UBAP2L: variants seen among roughly 807,000 people sequenced by gnomAD.
UBAP2L encodes ubiquitin associated protein 2 like.
A neutral mutation model predicts 130.6 loss-of-function variants in UBAP2L; 12 were observed. The ratio of observed to expected loss-of-function variants is 0.09; its 90% CI spans 0.06 to 0.15. The LOEUF (loss-of-function observed/expected upper bound fraction) is 0.15, where lower values mean the gene tolerates loss of function less well. Among genes scored for constraint, UBAP2L ranks in the 10% least tolerant of loss-of-function variants. The pLI, the probability that UBAP2L is intolerant of heterozygous loss-of-function variation, is 1.00. For synonymous variants in UBAP2L, 503 were observed against 524.7 expected, an observed-to-expected ratio of 0.96 and a Z score of 0.57; for missense variants, 965 against 1,332.5, an observed-to-expected ratio of 0.72 and a Z score of 4.29.
At chr1:154,229,516 CCTGGCT>C in intron 4 of UBAP2L, among the ~76,000 whole-genome samples, 1 of 151,892 alleles carries the variant, frequency 6.6e-6, no homozygotes, top group Middle Eastern at 3.4e-3. Context: ...ACTCTGTGGC[CCTGGCT>C]GGAGTACACT....
intron 25 of UBAP2L, among the ~76,000 whole-genome samples, chr1:154,266,780 G>C (rs77286016): frequency 0.03 from 4,591 of 152,070 alleles, 127 homozygotes; most frequent in South Asian, 0.05. Context: ...AAACGTAATA[G>C]GAAGGTAAAG....
At position 154,227,209 on chromosome 1, in the gene UBAP2L, T is replaced by C. The variant is rs1240561616; in HGVS notation, c.91-73T>C. On this transcript the variant is annotated intron_variant, in intron 2 of 26. Coordinates refer to ENST00000428931, the MANE Select transcript of UBAP2L (RefSeq NM_014847.4). ...AAAAGAAAATTGGGGCAGTGGAGGC[T>C]GACGAAATAGGTTCCTGTTCTCTAA... 4 of 1,351,732 alleles carry C rather than the reference T, an allele frequency of 3.0e-6. No individual in the cohort carries two copies. In the East Asian group the frequency reaches 9.3e-5, roughly 31 times the overall value. The allele number at this position is 1,351,732 out of a possible 1,614,324, so 83.7% of individuals were successfully genotyped here.
intron 4 of UBAP2L, among the ~76,000 whole-genome samples, chr1:154,233,315 C>G (rs1345212728): frequency 1.3e-5 from 2 of 149,688 alleles, no homozygotes; most frequent in Non-Finnish European, 3.0e-5. Context: ...GCGCCTGGCC[C>G]TTTTTTTTCT....
At chr1:154,240,943 C>T (rs185706479) in intron 8 of UBAP2L, among the ~76,000 whole-genome samples, 4 of 116,934 alleles carry the variant, frequency 3.4e-5, no homozygotes, top group African/African-American at 1.3e-4. Flanking sequence ...TGTCCCCCCC[C>T]CCACCCCCAT....
At chr1:154,269,004 C>T (rs1684134030) in intron 26 of UBAP2L, 50 bp downstream of exon 26, 1 of 1,597,184 alleles carries the variant, frequency 6.3e-7, no homozygotes, top group South Asian at 1.1e-5. Context: ...CTTCCTATCC[C>T]TTAAAACTGC....
intron 6 of UBAP2L, 61 bp from the exon 7 acceptor site, chr1:154,236,505 G>A (rs1671733138): frequency 6.3e-7 from 1 of 1,585,276 alleles, no homozygotes; most frequent in Non-Finnish European, 8.7e-7. Flanking sequence ...TGCCTGGCAA[G>A]GAAGTTTTAT....
At chr1:154,245,252 C>T (rs1273017221) in intron 10 of UBAP2L, among the ~76,000 whole-genome samples, 1 of 152,184 alleles carries the variant, frequency 6.6e-6, no homozygotes, top group East Asian at 1.9e-4. Context: ...GACCAACCCT[C>T]ATCCTGAAAC....
chr1:154,233,065 G>A (rs1339103239), intron 4 of UBAP2L, among the ~76,000 whole-genome samples: 3 of 151,804 alleles, frequency 2.0e-5, no homozygotes, highest in African/African-American at 4.8e-5. Flanking sequence ...CCAGGCTGGA[G>A]TGCAATGGCA....
At chr1:154,248,956 CTTTAA>C (rs1260554988) in intron 11 of UBAP2L, among the ~76,000 whole-genome samples, 2 of 152,092 alleles carry the variant, frequency 1.3e-5, no homozygotes, top group African/African-American at 4.8e-5. Context: ...GTATTAAGTG[CTTTAA>C]TTTATTTAAT....
intron 7 of UBAP2L, 32 bp downstream of exon 7, chr1:154,236,643 T>G (rs751414102): frequency 1.2e-6 from 2 of 1,613,368 alleles, no homozygotes; most frequent in Non-Finnish European, 1.7e-6. Context: ...TCTTAATTTT[T>G]TTTCCCTTAA....
chr1:154,264,378 AG>A (rs1174733251), intron 24 of UBAP2L, among the ~76,000 whole-genome samples: 3 of 152,148 alleles, frequency 2.0e-5, no homozygotes, highest in Non-Finnish European at 2.9e-5. Flanking sequence ...GGGGATAAGT[AG>A]GGGGTGTTGA....
Position 154,253,802 on chromosome 1 carries a change from A to G in UBAP2L, c.1665-98A>G, listed in dbSNP as rs543264224. On this transcript the variant is annotated intron_variant, in intron 14 of 26. Transcript: ENST00000428931. ...TGCTGAAAAATTTCTTCTTGATTCA[A>G]ATCAAGTTATTCCACTAGTAGATCT... is the stretch of plus-strand genomic sequence containing the variant. 4 of 1,264,180 alleles carry G rather than the reference A, an allele frequency of 3.2e-6. No homozygotes were observed. The East Asian group carries it at 8.0e-5, about 25-fold the overall frequency. The allele number at this position is 1,264,180 out of a possible 1,614,324, so 78.3% of individuals were successfully genotyped here.
Position 154,242,186 on chromosome 1 carries a change from T to A in UBAP2L, c.756+621T>A, listed in dbSNP as rs139855315. ...TTTGAGTACTACCTGAGTAAGAATT[T>A]TGCTGATTCCTGGTCACAGTCAAGC... On this transcript the variant is annotated intron_variant, in intron 9 of 26. Transcript: ENST00000428931. Among the ~76,000 whole-genome samples the A allele has an allele frequency of 4.6e-5, 7 of 152,332 alleles. No individual in the cohort carries two copies. The East Asian group carries it at 1.3e-3, about 29-fold the overall frequency.
At chr1:154,263,162 A>G (rs1203404591) in intron 24 of UBAP2L, 3 of 1,551,874 alleles carry the variant, frequency 1.9e-6, no homozygotes, top group Non-Finnish European at 2.6e-6. Flanking sequence ...ATTTGGCCCA[A>G]GGCTGGGGGC....
At chr1:154,257,523 T>C (rs1231713997) in intron 20 of UBAP2L, 89 bp downstream of exon 20, 2 of 1,405,470 alleles carry the variant, frequency 1.4e-6, no homozygotes, top group Admixed American at 1.8e-5. Flanking sequence ...CCCCTGTGAA[T>C]ACCAAAACTT....
intron 3 of UBAP2L, 39 bp downstream of exon 3, chr1:154,227,398 G>T (rs1372740454): frequency 6.4e-7 from 1 of 1,552,584 alleles, no homozygotes; most frequent in Non-Finnish European, 8.9e-7. Context: ...TATGAGAAAA[G>T]ATACCAGTAT....
chr1:154,260,294 G>T (rs1455542910), intron 22 of UBAP2L, among the ~76,000 whole-genome samples: 1 of 152,152 alleles, frequency 6.6e-6, no homozygotes, highest in East Asian at 1.9e-4. Context: ...AATTGCTTGA[G>T]CCCAGGAGTT....
intron 8 of UBAP2L, 115 bp from the exon 9 acceptor site, chr1:154,241,398 T>G: frequency 1.0e-6 from 1 of 974,650 alleles, no homozygotes; most frequent in Non-Finnish European, 1.6e-6. Context: ...TTCTGATTAC[T>G]AAATTTTAGT....
At chr1:154,259,539 C>G (rs1680817978) in intron 21 of UBAP2L, among the ~76,000 whole-genome samples, 1 of 151,416 alleles carries the variant, frequency 6.6e-6, no homozygotes, top group Non-Finnish European at 1.5e-5. Flanking sequence ...TTAGTAAATA[C>G]ATTTTAACCT....
Sources: allele counts gnomAD v4.1 joint callset (sites outside exome capture counted in the v4.1 genomes callset), GRCh38; gene constraint gnomAD v4.1.1; transcripts MANE v1.5; gene names NCBI Gene and HGNC (gene_info 2026-07-23, HGNC 2026-07-21).